SLC30A8: variants seen among roughly 807,000 people sequenced by gnomAD.
SLC30A8 encodes the protein solute carrier family 30 member 8.
In SLC30A8, 27 loss-of-function variants were observed where a neutral mutation model predicts 36.9. The ratio of observed to expected loss-of-function variants is 0.73; its 90% CI spans 0.54 to 1.01. The LOEUF (loss-of-function observed/expected upper bound fraction) is 1.01, where lower values mean the gene tolerates loss of function less well. SLC30A8 is among the 50% of genes least tolerant of loss of function. The pLI, the probability that SLC30A8 is intolerant of heterozygous loss-of-function variation, is 0.00. For missense variants in SLC30A8, 439 were observed against 452.0 expected (o/e 0.97, Z 0.26); for synonymous variants, 164 against 172.4 (o/e 0.95, Z 0.38).
intron 5 of SLC30A8, 126 bp downstream of exon 5, chr8:117,162,014 C>T: frequency 2.8e-6 from 2 of 722,090 alleles, no homozygotes; most frequent in African/African-American, 1.8e-5. Flanking sequence ...CTTTGCAAAG[C>T]TAAAGCAAGC....
chr8:117,150,834 T>G (rs1191667765), intron 2 of SLC30A8, among the ~76,000 whole-genome samples: 1 of 152,092 alleles, frequency 6.6e-6, no homozygotes, highest in Non-Finnish European at 1.5e-5. Context: ...CTTGATCTCC[T>G]GACCTCGTGA....
At chr8:116,962,942 C>G (rs918144023) in intron 1 of SLC30A8, among the ~76,000 whole-genome samples, 5 of 151,920 alleles carry the variant, frequency 3.3e-5, no homozygotes, top group Non-Finnish European at 5.9e-5. Context: ...GGAAAAGTTG[C>G]AGGCCTCAAG....
At chr8:117,045,191 T>G (rs1332428885) in intron 2 of SLC30A8, among the ~76,000 whole-genome samples, 2 of 152,162 alleles carry the variant, frequency 1.3e-5, no homozygotes, top group Non-Finnish European at 2.9e-5. Flanking sequence ...ACCATTAGCC[T>G]TATTCTTCTC....
chr8:117,094,150 C>T (rs1819258544), intron 2 of SLC30A8, among the ~76,000 whole-genome samples: 1 of 152,248 alleles, frequency 6.6e-6, no homozygotes, highest in African/African-American at 2.4e-5. Context: ...CACAGCTCTT[C>T]TCATCTTCTC....
intron 2 of SLC30A8, among the ~76,000 whole-genome samples, chr8:117,065,731 T>G (rs373955983): frequency 6.6e-6 from 1 of 152,174 alleles, no homozygotes; most frequent in Non-Finnish European, 1.5e-5. Flanking sequence ...AATTGGTTGC[T>G]TCTCCAGGAA....
At chr8:117,057,985 A>G (rs771178437) in intron 2 of SLC30A8, among the ~76,000 whole-genome samples, 1 of 152,176 alleles carries the variant, frequency 6.6e-6, no homozygotes, top group Admixed American at 6.5e-5. Flanking sequence ...CATAGTGGCT[A>G]TGCCAATCTA....
At chr8:116,970,185 G>A (rs906572449) in intron 1 of SLC30A8, among the ~76,000 whole-genome samples, 1 of 151,630 alleles carries the variant, frequency 6.6e-6, no homozygotes, top group Non-Finnish European at 1.5e-5. Flanking sequence ...AAAAAACCAA[G>A]ACACAAACAC....
At chr8:117,127,521 T>G (rs115786949) in intron 2 of SLC30A8, among the ~76,000 whole-genome samples, 3,667 of 152,156 alleles carry the variant, frequency 0.024, 152 homozygotes, top group African/African-American at 0.082. Flanking sequence ...AGGAAAAGAT[T>G]CACCTTCTTG....
intron 2 of SLC30A8, among the ~76,000 whole-genome samples, chr8:117,063,917 A>G (rs1586459830): frequency 6.6e-6 from 1 of 152,174 alleles, no homozygotes; most frequent in African/African-American, 2.4e-5. Flanking sequence ...TTACTTTTCT[A>G]TTAAGAGATC....
At chr8:117,078,860 T>C (rs1437472442) in intron 2 of SLC30A8, among the ~76,000 whole-genome samples, 4 of 152,062 alleles carry the variant, frequency 2.6e-5, no homozygotes, top group Non-Finnish European at 5.9e-5. Context: ...GCTAATTTTC[T>C]TATTTTTTGT....
intron 2 of SLC30A8, among the ~76,000 whole-genome samples, chr8:117,127,314 G>T (rs1191962558): frequency 1.3e-5 from 2 of 151,838 alleles, no homozygotes; most frequent in Non-Finnish European, 2.9e-5. Context: ...TTTTTCTTTG[G>T]TAATCTTCCC....
intron 2 of SLC30A8, among the ~76,000 whole-genome samples, chr8:117,126,545 CCCATCCATCCAT>C (rs57441824): frequency 0.1 from 15,074 of 149,614 alleles, 943 homozygotes; most frequent in Non-Finnish European, 0.14. Flanking sequence ...CATCCACCAA[CCCATCCATCCAT>C]CCATCCATCC....
chr8:117,039,358 TTTAC>T (rs1365125105), intron 2 of SLC30A8: 9 of 152,304 alleles, frequency 5.9e-5, no homozygotes, highest in South Asian at 2.1e-4. Flanking sequence ...AAAATTTTGT[TTTAC>T]TTGTTTTCTT....
chr8:117,048,963 A>G (rs1308307495), intron 2 of SLC30A8, among the ~76,000 whole-genome samples: 2 of 152,186 alleles, frequency 1.3e-5, no homozygotes, highest in Non-Finnish European at 2.9e-5. Flanking sequence ...TGAGAGTTCA[A>G]TTTCTACCAA....
intron 2 of SLC30A8, among the ~76,000 whole-genome samples, chr8:117,045,121 C>G (rs1817510455): frequency 6.6e-6 from 1 of 152,202 alleles, no homozygotes; most frequent in African/African-American, 2.4e-5. Flanking sequence ...TGGGAGCCAG[C>G]CCAGCTTTGA....
At chr8:117,127,418 A>C (rs1820951626) in intron 2 of SLC30A8, among the ~76,000 whole-genome samples, 1 of 152,088 alleles carries the variant, frequency 6.6e-6, no homozygotes, top group Non-Finnish European at 1.5e-5. Context: ...AGAGATCTGC[A>C]GTGTAGAGCA....
intron 2 of SLC30A8, among the ~76,000 whole-genome samples, chr8:117,092,110 A>G (rs1212454360): frequency 6.6e-6 from 1 of 152,222 alleles, no homozygotes; most frequent in Non-Finnish European, 1.5e-5. Context: ...GGGAGAAAGT[A>G]TTGGTAGAAC....
chr8:117,012,975 A>G (rs2130708129), intron 1 of SLC30A8, among the ~76,000 whole-genome samples: 1 of 152,170 alleles, frequency 6.6e-6, no homozygotes, highest in Non-Finnish European at 1.5e-5. Flanking sequence ...CCTCATTCTA[A>G]TGGGGCTACT....
chr8:117,171,370 G>A (rs1823375386), intron 7 of SLC30A8, among the ~76,000 whole-genome samples: 1 of 152,072 alleles, frequency 6.6e-6, no homozygotes, highest in South Asian at 2.1e-4. Flanking sequence ...ACATTCTTGG[G>A]GCTGACTGCA....
Sources: gnomAD v4.1 joint callset for allele counts (sites outside exome capture counted in the v4.1 genomes callset) on GRCh38, gnomAD v4.1.1 for gene constraint, MANE v1.5 for transcripts, NCBI Gene and HGNC (gene_info 2026-07-23, HGNC 2026-07-21) for gene names.